GABRG3: variants seen among roughly 807,000 people sequenced by gnomAD.
GABRG3 encodes the protein gamma-aminobutyric acid type A receptor subunit gamma3, also known as gamma-aminobutyric acid receptor subunit gamma-3.
GABRG3 carries 25 observed loss-of-function variants against 48.8 expected under a neutral mutation model. That is an observed-to-expected ratio of 0.51 (90% CI 0.37 to 0.72). GABRG3 has a LOEUF of 0.72. Among genes scored for constraint, GABRG3 ranks in the 30% least tolerant of loss-of-function variants. The pLI is 0.00. For missense variants in GABRG3, 394 were observed against 577.9 expected, an observed-to-expected ratio of 0.68 and a Z score of 3.26; for synonymous variants, 227 against 217.6, an observed-to-expected ratio of 1.04 and a Z score of -0.38.
chr15:27,144,082 A>G (rs1284272178), intron 3 of GABRG3, among the ~76,000 whole-genome samples: 2 of 152,206 alleles, frequency 1.3e-5, no homozygotes, highest in Non-Finnish European at 2.9e-5. Context: ...CATAATTAAG[A>G]TACTCCTCCA....
At chr15:27,420,032 G>A (rs145098342) in intron 5 of GABRG3, among the ~76,000 whole-genome samples, 220 of 152,304 alleles carry the variant, frequency 1.4e-3, no homozygotes, top group Middle Eastern at 0.01. Flanking sequence ...TAATAGCCAA[G>A]GCTGTGAAGA....
chr15:27,323,699 A>C (rs1300527883), intron 3 of GABRG3, among the ~76,000 whole-genome samples: 29 of 151,892 alleles, frequency 1.9e-4, no homozygotes, highest in Admixed American at 1.8e-3. Context: ...TGCCTGTCTC[A>C]CTCTACACCT....
intron 5 of GABRG3, among the ~76,000 whole-genome samples, chr15:27,417,372 C>T (rs1441201162): frequency 2.6e-5 from 4 of 152,178 alleles, no homozygotes; most frequent in African/African-American, 4.8e-5. Context: ...TATGTATTTT[C>T]GATGACCTCT....
At chr15:27,122,820 G>A (rs1897754617) in intron 3 of GABRG3, among the ~76,000 whole-genome samples, 1 of 152,214 alleles carries the variant, frequency 6.6e-6, no homozygotes, top group South Asian at 2.1e-4. Flanking sequence ...TAGTAAAGCA[G>A]CGGAGACCCC....
At chr15:27,059,825 G>A (rs1485337755) in intron 3 of GABRG3, among the ~76,000 whole-genome samples, 2 of 152,206 alleles carry the variant, frequency 1.3e-5, no homozygotes, top group Non-Finnish European at 2.9e-5. Flanking sequence ...GAATAGAAAT[G>A]TCTGCACCAA....
At chr15:27,323,768 A>C (rs1893511178) in intron 3 of GABRG3, among the ~76,000 whole-genome samples, 1 of 152,064 alleles carries the variant, frequency 6.6e-6, no homozygotes, top group South Asian at 2.1e-4. Context: ...CACACCCCAG[A>C]ACCCTTTCCC....
rs2150865280 is a variant in GABRG3, at chr15:27,528,483, C to T, written c.1122+491C>T. On this transcript the variant is annotated intron_variant, in intron 9 of 9. Transcript: ENST00000615808. ...TTTTCACTTGCATTTACATTCTTTT[C>T]ACTACCAATTTGTATATACCTGTGA... Among the ~76,000 whole-genome samples the T allele has an allele frequency of 2.0e-5, 3 of 152,296 alleles. No individual in the cohort carries two copies. In the Middle Eastern group the frequency reaches 0.01, roughly 518 times the overall value.
chr15:26,988,833 A>T (rs1487017640), intron 2 of GABRG3, among the ~76,000 whole-genome samples: 1 of 152,202 alleles, frequency 6.6e-6, no homozygotes, highest in Non-Finnish European at 1.5e-5. Context: ...AACTTATCAC[A>T]GTCTACCTTC....
rs1391735010 is a variant in GABRG3, at chr15:27,408,578, A to G, written c.575-72072A>G. Reference sequence around the variant, plus strand: ...AACCCCGGGACCAAAGCAGGTGAGAAGGTAAGAAATGCAGCGGTAATAGCT... The same window carrying G: ...AACCCCGGGACCAAAGCAGGTGAGAGGGTAAGAAATGCAGCGGTAATAGCT... On this transcript the variant is annotated intron_variant, in intron 5 of 9. Transcript: ENST00000615808. Among the ~76,000 whole-genome samples the G allele has an allele frequency of 3.3e-5, 5 of 152,182 alleles. No homozygotes were observed. The East Asian group carries it at 9.6e-4, about 29-fold the overall frequency.
chr15:27,078,708 A>G (rs1316838738), intron 3 of GABRG3, among the ~76,000 whole-genome samples: 7 of 152,194 alleles, frequency 4.6e-5, no homozygotes, highest in African/African-American at 1.7e-4. Flanking sequence ...TTTCAGGATG[A>G]AAGGAGACCA....
intron 3 of GABRG3, among the ~76,000 whole-genome samples, chr15:27,134,822 G>A (rs1301308789): frequency 6.6e-6 from 1 of 152,208 alleles, no homozygotes; most frequent in Non-Finnish European, 1.5e-5. Flanking sequence ...TATTATGAAA[G>A]AACAATATTC....
At chr15:27,154,800 C>A (rs1409509467) in intron 3 of GABRG3, among the ~76,000 whole-genome samples, 1 of 151,160 alleles carries the variant, frequency 6.6e-6, no homozygotes. Flanking sequence ...TTTTTTTTGT[C>A]CTTGTCTCTA....
intron 5 of GABRG3, among the ~76,000 whole-genome samples, chr15:27,455,680 G>A (rs1641809800): frequency 6.7e-6 from 1 of 150,254 alleles, no homozygotes; most frequent in African/African-American, 2.5e-5. Flanking sequence ...TGTGCTGTGT[G>A]TGTGCATTTG....
In GABRG3 at chr15:27,352,337, G is replaced by A. The variant is rs531416816; in HGVS notation, c.574+23449G>A. 6.6e-5 allele frequency among the ~76,000 whole-genome samples: 10 copies of A among 152,046 alleles called. No homozygotes were observed. The highest frequency in any genetic ancestry group is 2.2e-4 in the African/African-American group (9 of 41,422). On this transcript the variant is annotated intron_variant, in intron 5 of 9. Coordinates refer to ENST00000615808, the MANE Select transcript of GABRG3 (RefSeq NM_033223.5). This position sits in a 1 kb window ranked among gnomAD's most constrained non-coding sequence, Gnocchi z 4.0. The stretch of plus-strand genomic sequence containing the variant: ...CCCAGGGAGAGCACGATTATCCCCC[G>A]CACACTTCAAGGGGTGATGGGGTGG...
chr15:27,233,852 A>G (rs1889877146), intron 3 of GABRG3, among the ~76,000 whole-genome samples: 1 of 152,222 alleles, frequency 6.6e-6, no homozygotes, highest in African/African-American at 2.4e-5. Flanking sequence ...TATGTTTTCT[A>G]TAAACAGGGA....
At chr15:27,248,803 C>CACACACACACACACAGAG (rs1377080195) in intron 3 of GABRG3, among the ~76,000 whole-genome samples, 7 of 110,240 alleles carry the variant, frequency 6.3e-5, no homozygotes, top group South Asian at 6.7e-4. Context: ...CACACACACA[C>CACACACACACACACAGAG]AGAGAGAGAG....
intron 6 of GABRG3, chr15:27,481,425 A>G: frequency 3.7e-6 from 1 of 266,950 alleles, no homozygotes; most frequent in Non-Finnish European, 5.8e-6. Context: ...AGGGTCCACT[A>G]TTTCACAACT....
chr15:27,530,357 T>A (rs1270225141), intron 9 of GABRG3, among the ~76,000 whole-genome samples: 1 of 152,168 alleles, frequency 6.6e-6, no homozygotes, highest in African/African-American at 2.4e-5. Context: ...TTGGGAATCG[T>A]TAATTAAAAT....
chr15:27,170,922 C>G (rs1012455944), intron 3 of GABRG3, among the ~76,000 whole-genome samples: 2 of 152,180 alleles, frequency 1.3e-5, no homozygotes, highest in African/African-American at 4.8e-5. Flanking sequence ...TCATCTCAAG[C>G]AATTTTCAAA....
Sources: gnomAD v4.1 joint callset for allele counts (sites outside exome capture counted in the v4.1 genomes callset) on GRCh38, gnomAD v4.1.1 for gene constraint, Gnocchi (gnomAD v3.1) non-coding constraint, MANE v1.5 for transcripts, NCBI Gene and HGNC (gene_info 2026-07-23, HGNC 2026-07-21) for gene names.